Variants in PROCA1 observed in about 807,000 individuals in gnomAD.
The protein encoded by PROCA1 is protein PROCA1.
PROCA1 carries 22 observed loss-of-function variants against 23.2 expected under a neutral mutation model. That is an observed-to-expected ratio of 0.95 (90% CI 0.68 to 1.35). The LOEUF (loss-of-function observed/expected upper bound fraction) is 1.35. Ranked by LOEUF, PROCA1 falls within the 40% of genes most tolerant of loss-of-function variation. The pLI is 0.00. For synonymous variants in PROCA1, 182 were observed against 179.2 expected (o/e 1.02, Z -0.12); for missense variants, 469 against 459.8 (o/e 1.02, Z -0.18).
At chr17:28,704,541 A>G (rs2032348161) in intron 3 of PROCA1, 106 bp from the exon 4 acceptor site, 1 of 1,545,520 alleles carries the variant, frequency 6.5e-7, no homozygotes, top group Non-Finnish European at 8.7e-7. Context: ...TCAGGCCAAC[A>G]GACCTCCTCC....
In PROCA1 at chr17:28,704,153, C is replaced by G. The variant is rs1480883539; in HGVS notation, c.500G>C (p.Cys167Ser). Residue 167 changes from cysteine (C) to serine (S), a missense_variant, in exon 5 of 5, where the codon TGT becomes TCT. Coordinates refer to ENST00000682792, the MANE Select transcript of PROCA1 (RefSeq NM_001366301.1). ...TTCTTCATTTAGATCATCTGCCCCA[C>G]ACTCATGGTAGAGTGGATGGTGGAT... ...AVIHHPLYHE[C>S]GADDLNEEEE... 6.4e-7 allele frequency: 1 copy of G among 1,551,278 alleles called. No homozygotes were observed. Among genetic ancestry groups the G allele is most frequent in the Non-Finnish European group, 8.7e-7 (1 of 1,154,698 alleles).
At chr17:28,708,737 A>AAAAAAAAAAAAAC (rs2032642221) in intron 1 of PROCA1, among the ~76,000 whole-genome samples, 2 of 151,906 alleles carry the variant, frequency 1.3e-5, no homozygotes, top group South Asian at 2.1e-4. Context: ...AAAGGAAAAA[A>AAAAAAAAAAAAAC]AAAAAAAAAC....
At position 28,706,699 on chromosome 17, in the gene PROCA1, A is replaced by G. The variant is rs1018492735; in HGVS notation, c.156T>C (p.Asp52=). ...ACCCACCTTCAGAGAAGGTAGACAC[A>G]TCAGTGCTGGACGCCACACCAGCCA... is the stretch of plus-strand genomic sequence containing the variant. ...HLLAGVASST[D]VSTFSEGDCK... The change falls in exon 2 of 5, where the codon GAT becomes GAC. Residue 52 remains aspartate (D), a synonymous_variant. Coordinates refer to ENST00000682792, the MANE Select transcript of PROCA1 (RefSeq NM_001366301.1). The G allele has an allele frequency of 1.5e-6, 2 of 1,303,638 alleles. No individual in the cohort carries two copies. Among genetic ancestry groups the G allele is most frequent in the African/African-American group, 1.5e-5 (1 of 65,652 alleles). 80.8% of individuals were successfully genotyped at this position (1,303,638 alleles called of 1,614,324 possible). A position where few individuals can be genotyped will look rare whatever the true frequency, so the allele number is the denominator to read the frequency against.
In PROCA1 at chr17:28,711,562, C is replaced by T; in HGVS notation, c.91+8G>A. 6.2e-7 allele frequency: 1 copy of T among 1,607,056 alleles called. No homozygotes were observed. Among genetic ancestry groups the T allele is most frequent in the Non-Finnish European group, 8.5e-7 (1 of 1,177,804 alleles). Reference sequence around the variant, plus strand: ...CCCTCTGCCCAGCCCCTGCCCCGCCCCTCTTACCGCGGCATCTGCTCTCAT... The same window carrying T: ...CCCTCTGCCCAGCCCCTGCCCCGCCTCTCTTACCGCGGCATCTGCTCTCAT... On this transcript the variant is annotated splice_region_variant and intron_variant, in intron 1 of 4. Coordinates refer to ENST00000682792, the MANE Select transcript of PROCA1 (RefSeq NM_001366301.1).
At chr17:28,711,544 C>T (rs1356280159) in intron 1 of PROCA1, 26 bp downstream of exon 1, 1 of 1,593,732 alleles carries the variant, frequency 6.3e-7, no homozygotes, top group Non-Finnish European at 8.5e-7. Flanking sequence ...GCGCCCTCTG[C>T]CCAGCCCCTG....
At chr17:28,708,041 G>T (rs968660984) in intron 1 of PROCA1, among the ~76,000 whole-genome samples, 1 of 152,042 alleles carries the variant, frequency 6.6e-6, no homozygotes, top group African/African-American at 2.4e-5. Flanking sequence ...ATTGAGTCTC[G>T]CTCTGTCGCC....
At chr17:28,711,249 A>C in intron 1 of PROCA1, 2 of 822,846 alleles carry the variant, frequency 2.4e-6, no homozygotes, top group Admixed American at 4.0e-5. Flanking sequence ...CTTCAAGGGC[A>C]GCGGCCTGCG....
intron 1 of PROCA1, among the ~76,000 whole-genome samples, chr17:28,708,614 G>T (rs929324645): frequency 6.6e-6 from 1 of 151,840 alleles, no homozygotes; most frequent in Non-Finnish European, 1.5e-5. Flanking sequence ...GGCCGGGCAC[G>T]GTGGCTCACG....
chr17:28,706,433 G>A, intron 2 of PROCA1: 1 of 233,126 alleles, frequency 4.3e-6, no homozygotes, highest in Non-Finnish European at 9.1e-6. Flanking sequence ...CAGGGTTGTT[G>A]GGCGGACTCA....
Position 28,703,234 on chromosome 17 carries a change from A to G in PROCA1, c.*324T>C. 1 of 321,554 alleles carries G rather than the reference A, an allele frequency of 3.1e-6. No individual in the cohort carries two copies. 19.9% of individuals were successfully genotyped at this position (321,554 alleles called of 1,614,324 possible). On this transcript the variant is annotated 3_prime_UTR_variant, in exon 5 of 5. Transcript: ENST00000682792. ...TTCCGTTTATTGGGGGTATCGCTGC[A>G]GACAGTACTGCCTGTCCCAGAAGTG...
At position 28,704,082 on chromosome 17, in the gene PROCA1, C is replaced by G. The variant is rs573386518; in HGVS notation, c.571G>C (p.Val191Leu). 2.5e-6 allele frequency: 4 copies of G among 1,594,474 alleles called. No homozygotes were observed. Among genetic ancestry groups the G allele is most frequent in the Admixed American group, 1.8e-5 (1 of 55,300 alleles). Residue 191 changes from valine (V) to leucine (L), a missense_variant, in exon 5 of 5, where the codon GTG (valine) becomes CTG (leucine). Physicochemically the swap from Val to Leu is conservative, Grantham distance 32. Transcript: ENST00000682792. ...TCAGGGGAGGCGGTGGCGGGCCCCACCTGTGTCGGGATGGGGGGCTTGCTT... is the reference window on the plus strand; with the variant it reads ...TCAGGGGAGGCGGTGGCGGGCCCCAGCTGTGTCGGGATGGGGGGCTTGCTT... Reference protein sequence around the residue: ...EESKPPIPTQVGPATASPDLG... With the variant: ...EESKPPIPTQLGPATASPDLG...
intron 1 of PROCA1, among the ~76,000 whole-genome samples, chr17:28,710,559 T>C (rs1428089529): frequency 6.9e-6 from 1 of 145,978 alleles, no homozygotes; most frequent in Non-Finnish European, 1.5e-5. Flanking sequence ...GCCTGTTTAC[T>C]CTCCACTCAC....
chr17:28,708,545 T>C (rs2151687189), intron 1 of PROCA1, among the ~76,000 whole-genome samples: 1 of 152,170 alleles, frequency 6.6e-6, no homozygotes, highest in Middle Eastern at 3.4e-3. Flanking sequence ...AACTTCCATG[T>C]TTTCAACATC....
At chr17:28,704,271 G>A (rs748016744) in intron 4 of PROCA1, 36 bp downstream of exon 4, 1 of 1,593,158 alleles carries the variant, frequency 6.3e-7, no homozygotes, top group South Asian at 1.1e-5. Context: ...GCCCTGTAGA[G>A]GCCCCTTCCC....
intron 1 of PROCA1, chr17:28,710,990 G>T: frequency 1.8e-6 from 1 of 560,110 alleles, no homozygotes; most frequent in Non-Finnish European, 2.8e-6. Flanking sequence ...GGAAGGGAGG[G>T]AAGGAGTAGG....
In PROCA1 at chr17:28,703,830, G is replaced by A. The variant is rs1471219963; in HGVS notation, c.823C>T (p.Pro275Ser). 2 of 1,614,038 alleles carry A rather than the reference G, an allele frequency of 1.2e-6. No homozygotes were observed. The highest frequency in any genetic ancestry group is 2.2e-5 in the East Asian group (1 of 44,896). Residue 275 changes from proline (P) to serine (S), a missense_variant, in exon 5 of 5, where the codon CCT becomes TCT. Coordinates refer to ENST00000682792, the MANE Select transcript of PROCA1 (RefSeq NM_001366301.1). ...TKKKSPVKLEPSPPDVSRSLS... is the reference protein window; with the variant it reads ...TKKKSPVKLESSPPDVSRSLS... ...GATCGGCTCACGTCTGGCGGGGAAG[G>A]CTCCAATTTAACCGGGCTTTTCTTC...
At chr17:28,705,021 C>CTTGGCCGCAGAGTAACCCCATGTGTGGCA in intron 2 of PROCA1, 178 bp from the exon 3 acceptor site, 1 of 610,000 alleles carries the variant, frequency 1.6e-6, no homozygotes, top group Middle Eastern at 4.5e-4. Flanking sequence ...AGCAAAGTGT[C>CTTGGCCGCAGAGTAACCCCATGTGTGGCA]TGGTTCCATG....
chr17:28,704,794 A>G lies in PROCA1; in HGVS notation c.225T>C (p.Thr75=), dbSNP rs751891398. The G allele has an allele frequency of 6.2e-7, 1 of 1,613,772 alleles. No individual in the cohort carries two copies. Among genetic ancestry groups the G allele is most frequent in the South Asian group, 1.1e-5 (1 of 91,062 alleles). ...AGGCGAAAGGGTAGATGATGTGCCC[A>G]GTGCACTGCTTGTGTCTCCAGCAGC... ...DKCCWRHKQC[T]GHIIYPFASD... Residue 75 remains threonine, a synonymous_variant, in exon 3 of 5, where the codon ACT becomes ACC. Transcript: ENST00000682792.
At chr17:28,708,210 A>G (rs182952053) in intron 1 of PROCA1, among the ~76,000 whole-genome samples, 2 of 152,232 alleles carry the variant, frequency 1.3e-5, no homozygotes, top group African/African-American at 2.4e-5. Context: ...GGGTTTCACC[A>G]TGTTGGACAG....
Sources: gnomAD v4.1 joint callset for allele counts (sites outside exome capture counted in the v4.1 genomes callset) on GRCh38, gnomAD v4.1.1 for gene constraint, MANE v1.5 for transcripts, NCBI Gene and HGNC (gene_info 2026-07-23, HGNC 2026-07-21) for gene names.